The following FAM193A variants were observed in gnomAD, a reference collection of about 807,000 sequenced individuals.
FAM193A encodes the protein family with sequence similarity 193 member A.
In FAM193A, 22 loss-of-function variants were observed where a neutral mutation model predicts 126.5. The observed-to-expected ratio is 0.17, with a 90% confidence interval of 0.12 to 0.25. The LOEUF (loss-of-function observed/expected upper bound fraction) is 0.25, where lower values mean the gene tolerates loss of function less well. Among genes scored for constraint, FAM193A ranks in the 10% least tolerant of loss-of-function variants. FAM193A has a pLI of 1.00. For synonymous variants in FAM193A, 761 were observed against 646.8 expected, an observed-to-expected ratio of 1.18 and a Z score of -2.68; for missense variants, 1,675 against 1,672.8, an observed-to-expected ratio of 1.00 and a Z score of -0.02.
chr4:2,713,410 A>AG (rs1719208172), intron 19 of FAM193A, among the ~76,000 whole-genome samples: 2 of 152,184 alleles, frequency 1.3e-5, no homozygotes, highest in African/African-American at 4.8e-5. Context: ...TTATCAGAAA[A>AG]CAAAAAAAAA....
At chr4:2,548,526 G>A (rs1328360469) in intron 1 of FAM193A, among the ~76,000 whole-genome samples, 4 of 151,942 alleles carry the variant, frequency 2.6e-5, no homozygotes, top group African/African-American at 4.8e-5. Flanking sequence ...GCATGATCTC[G>A]GCTCACTGCA....
intron 13 of FAM193A, among the ~76,000 whole-genome samples, chr4:2,680,241 C>T (rs961947846): frequency 2.6e-5 from 4 of 152,186 alleles, no homozygotes; most frequent in Non-Finnish European, 4.4e-5. Flanking sequence ...TTTATGATTT[C>T]GTCTTGATAG....
intron 5 of FAM193A, among the ~76,000 whole-genome samples, chr4:2,632,330 C>A (rs1743672147): frequency 1.3e-5 from 2 of 152,108 alleles, no homozygotes; most frequent in Admixed American, 6.5e-5. Flanking sequence ...CTTTGGGAAG[C>A]CAAAGTGGGA....
intron 1 of FAM193A, among the ~76,000 whole-genome samples, chr4:2,549,387 CT>C (rs1346063587): frequency 4.3e-4 from 61 of 142,242 alleles, no homozygotes; most frequent in African/African-American, 9.7e-4. Context: ...TCTATGTTTT[CT>C]TTTTTTCTTT....
intron 13 of FAM193A, among the ~76,000 whole-genome samples, chr4:2,675,962 A>T (rs1356115670): frequency 6.6e-6 from 1 of 152,240 alleles, no homozygotes; most frequent in African/African-American, 2.4e-5. Context: ...CGCATATTGC[A>T]GAATCTCCTT....
intron 5 of FAM193A, 101 bp downstream of exon 5, chr4:2,631,270 A>AC (rs1743554165): frequency 2.0e-6 from 2 of 1,013,836 alleles, no homozygotes; most frequent in Non-Finnish European, 1.4e-6. Context: ...TCGCTGTCAC[A>AC]CCCCCACACA....
chr4:2,667,810 T>C (rs983056212), intron 12 of FAM193A, among the ~76,000 whole-genome samples: 10 of 152,252 alleles, frequency 6.6e-5, no homozygotes, highest in African/African-American at 2.2e-4. Flanking sequence ...ATTCTTTTTT[T>C]AATTTTCTTA....
chr4:2,588,655 C>T (rs1740364778), intron 1 of FAM193A, among the ~76,000 whole-genome samples: 1 of 152,116 alleles, frequency 6.6e-6, no homozygotes, highest in African/African-American at 2.4e-5. Context: ...CTACCTATTC[C>T]ATGTGTTGTC....
chr4:2,645,212 G>C (rs1367536168), intron 6 of FAM193A, among the ~76,000 whole-genome samples: 2 of 152,174 alleles, frequency 1.3e-5, no homozygotes, highest in East Asian at 3.8e-4. Flanking sequence ...TTGTGCTCTT[G>C]ATATATTATA....
At chr4:2,580,023 C>G (rs1467093373) in intron 1 of FAM193A, among the ~76,000 whole-genome samples, 1 of 152,140 alleles carries the variant, frequency 6.6e-6, no homozygotes, top group Admixed American at 6.5e-5. Flanking sequence ...GACATGGAAT[C>G]AACCCAAATG....
intron 2 of FAM193A, among the ~76,000 whole-genome samples, chr4:2,599,636 C>T (rs1741077362): frequency 6.6e-6 from 1 of 152,192 alleles, no homozygotes; most frequent in African/African-American, 2.4e-5. Flanking sequence ...GCATCACGTC[C>T]TAGACATAGT....
intron 2 of FAM193A, among the ~76,000 whole-genome samples, chr4:2,611,114 G>T (rs913521407): frequency 6.6e-6 from 1 of 152,090 alleles, no homozygotes; most frequent in Non-Finnish European, 1.5e-5. Flanking sequence ...AGTCCTATAG[G>T]GTAAGTGCTT....
chr4:2,566,515 C>T (rs1412796454), intron 1 of FAM193A, among the ~76,000 whole-genome samples: 1 of 151,964 alleles, frequency 6.6e-6, no homozygotes, highest in Non-Finnish European at 1.5e-5. Flanking sequence ...CATGGTGAAA[C>T]CCTGTCTCTA....
intron 1 of FAM193A, among the ~76,000 whole-genome samples, chr4:2,557,343 A>G (rs111971558): frequency 1.2e-4 from 19 of 152,296 alleles, no homozygotes; most frequent in African/African-American, 4.3e-4. Context: ...GAGTTTGTGC[A>G]TTCTCTTCAG....
At position 2,717,703 on chromosome 4, in the gene FAM193A, A is replaced by G. The variant is rs1450112325; in HGVS notation, c.4454+1599A>G. Among the ~76,000 whole-genome samples the G allele has an allele frequency of 4.0e-5, 6 of 151,212 alleles. 2 individuals carry two copies. Among genetic ancestry groups the G allele is most frequent in the Admixed American group, 4.0e-4 (6 of 15,132 alleles). On this transcript the variant is annotated intron_variant, in intron 20 of 20. Transcript: ENST00000637812. ...TAGGAGTTTGAGGTTGCAGTGAACTATGATCACGGCACTTGCACTCTAGCC... is the reference window on the plus strand; with the variant it reads ...TAGGAGTTTGAGGTTGCAGTGAACTGTGATCACGGCACTTGCACTCTAGCC...
chr4:2,620,515 G>A (rs763738153), intron 2 of FAM193A, among the ~76,000 whole-genome samples: 9 of 152,098 alleles, frequency 5.9e-5, no homozygotes, highest in African/African-American at 9.7e-5. Flanking sequence ...GATGGGCACC[G>A]CGCTCATAAT....
At chr4:2,711,329 T>C (rs987811973) in intron 19 of FAM193A, among the ~76,000 whole-genome samples, 2 of 150,558 alleles carry the variant, frequency 1.3e-5, no homozygotes, top group African/African-American at 2.4e-5. Flanking sequence ...TTTTCCTTTT[T>C]TGTTTGTTTG....
At chr4:2,617,359 G>A (rs189997966) in intron 2 of FAM193A, among the ~76,000 whole-genome samples, 3,295 of 130,568 alleles carry the variant, frequency 0.025, 164 homozygotes, top group African/African-American at 0.093. Flanking sequence ...TCTGCCTCCC[G>A]AGTTCAAGCA....
At chr4:2,560,768 T>C (rs1181954245) in intron 1 of FAM193A, among the ~76,000 whole-genome samples, 1 of 152,180 alleles carries the variant, frequency 6.6e-6, no homozygotes, top group Non-Finnish European at 1.5e-5. Flanking sequence ...TTATTTTCCT[T>C]TGTATTCAGA....
Sources: allele counts gnomAD v4.1 joint callset (sites outside exome capture counted in the v4.1 genomes callset), GRCh38; gene constraint gnomAD v4.1.1; transcripts MANE v1.5; gene names NCBI Gene and HGNC (gene_info 2026-07-23, HGNC 2026-07-21).